Variants in NETO2 observed in about 807,000 individuals in gnomAD.
The protein encoded by NETO2 is neuropilin and tolloid like 2.
In NETO2, 28 loss-of-function variants were observed where a neutral mutation model predicts 62.5. The ratio of observed to expected loss-of-function variants is 0.45; its 90% CI spans 0.33 to 0.61. The LOEUF (loss-of-function observed/expected upper bound fraction) is 0.61. NETO2 is among the 20% of genes least tolerant of loss of function. NETO2 has a pLI of 0.02. For missense variants in NETO2, 548 were observed against 643.2 expected, an observed-to-expected ratio of 0.85 and a Z score of 1.60; for synonymous variants, 214 against 219.1, an observed-to-expected ratio of 0.98 and a Z score of 0.21.
chr16:47,137,022 A>G (rs1411769262), intron 1 of NETO2, among the ~76,000 whole-genome samples: 1 of 152,214 alleles, frequency 6.6e-6, no homozygotes, highest in Admixed American at 6.5e-5. Context: ...ACATACATAC[A>G]TATATACATG....
At chr16:47,122,836 T>C (rs1269886886) in intron 5 of NETO2, 32 bp downstream of exon 5, 1 of 1,613,726 alleles carries the variant, frequency 6.2e-7, no homozygotes, top group Non-Finnish European at 8.5e-7. Context: ...TAATCAAAAA[T>C]GCCAAGAGGA....
chr16:47,122,760 G>C lies in NETO2; in HGVS notation c.551C>G (p.Ala184Gly). 1 of 1,614,024 alleles carries C rather than the reference G, an allele frequency of 6.2e-7. No individual in the cohort carries two copies. The highest frequency in any genetic ancestry group is 8.5e-7 in the Non-Finnish European group (1 of 1,180,012). ...IPDCQFELSGADGIVRSSQVE... is the reference protein window; with the variant it reads ...IPDCQFELSGGDGIVRSSQVE... ...CTGACTAGAGCGCACTATTCCATCA[G>C]CTCCCGAGAGCTCGAACTGACAATC... Residue 184 changes from alanine to glycine, a missense_variant, in exon 6 of 9, where the codon GCT becomes GGT. Transcript: ENST00000562435.
intron 6 of NETO2, among the ~76,000 whole-genome samples, chr16:47,119,969 A>G (rs1964004198): frequency 6.6e-6 from 1 of 152,192 alleles, no homozygotes; most frequent in Admixed American, 6.5e-5. Context: ...GGATGTTGGG[A>G]GCAAGATACT....
chr16:47,126,975 A>C (rs1359535171), intron 4 of NETO2, among the ~76,000 whole-genome samples: 2 of 152,236 alleles, frequency 1.3e-5, no homozygotes, highest in Non-Finnish European at 1.5e-5. Flanking sequence ...TAATAAAGTT[A>C]TATGTGTACC....
chr16:47,128,481 C>T lies in NETO2; in HGVS notation c.325G>A (p.Asp109Asn), dbSNP rs1163057446. ...ECRFDHLEVR[D>N]GPFGFSPLID... ...AGAGGAGAGAAACCAAATGGCCCAT[C>T]TCGAACTTCCAAGTGATCAAACCGA... Residue 109 changes from aspartate to asparagine, a missense_variant, in exon 4 of 9, where the codon GAT (aspartate) becomes AAT (asparagine). Coordinates refer to ENST00000562435, the MANE Select transcript of NETO2 (RefSeq NM_018092.5). 6.8e-6 allele frequency: 11 copies of T among 1,614,106 alleles called. No homozygotes were observed. Among genetic ancestry groups the T allele is most frequent in the Non-Finnish European group, 8.5e-6 (10 of 1,180,006 alleles).
intron 1 of NETO2, among the ~76,000 whole-genome samples, chr16:47,142,358 T>C (rs1055876547): frequency 6.6e-6 from 1 of 152,218 alleles, no homozygotes; most frequent in Non-Finnish European, 1.5e-5. Context: ...ACGTTTCGAA[T>C]TACTGAAATC....
chr16:47,128,224 T>C, intron 4 of NETO2, 101 bp downstream of exon 4: 1 of 1,397,060 alleles, frequency 7.2e-7, no homozygotes, highest in Non-Finnish European at 9.6e-7. Context: ...AAATCTTGAT[T>C]TGATTAACTT....
chr16:47,102,208 T>C (rs1963563423), intron 7 of NETO2, among the ~76,000 whole-genome samples: 1 of 152,098 alleles, frequency 6.6e-6, no homozygotes, highest in Admixed American at 6.5e-5. Context: ...TAATAAATGG[T>C]ATTGGGAAAT....
intron 1 of NETO2, among the ~76,000 whole-genome samples, chr16:47,139,183 G>A (rs945687626): frequency 3.9e-5 from 6 of 152,176 alleles, no homozygotes; most frequent in African/African-American, 9.7e-5. Flanking sequence ...ATACAGACAC[G>A]ATGAACACAT....
At chr16:47,143,555 C>G in intron 1 of NETO2, 24 bp downstream of exon 1, 1 of 1,223,128 alleles carries the variant, frequency 8.2e-7, no homozygotes, top group Non-Finnish European at 1.0e-6. Flanking sequence ...GGGCGCCGTC[C>G]GTGGCCCCAG....
chr16:47,093,967 C>A (rs892590747), intron 7 of NETO2, among the ~76,000 whole-genome samples: 81 of 152,052 alleles, frequency 5.3e-4, no homozygotes, highest in African/African-American at 1.7e-3. Context: ...ATAAGATATA[C>A]CACTTATAAT....
chr16:47,133,580 A>G (rs1197243559), intron 1 of NETO2, among the ~76,000 whole-genome samples: 2 of 148,584 alleles, frequency 1.3e-5, no homozygotes, highest in Non-Finnish European at 3.0e-5. Flanking sequence ...GTAACATAAA[A>G]TAACATAACA....
chr16:47,130,532 C>T (rs1964245373), intron 2 of NETO2, among the ~76,000 whole-genome samples: 1 of 151,776 alleles, frequency 6.6e-6, no homozygotes, highest in African/African-American at 2.4e-5. Flanking sequence ...TTAAAAACCA[C>T]CACCACCACA....
At chr16:47,092,468 A>C (rs568591511) in intron 7 of NETO2, among the ~76,000 whole-genome samples, 1 of 152,316 alleles carries the variant, frequency 6.6e-6, no homozygotes, top group Middle Eastern at 3.4e-3. Context: ...AGCCTCTGAC[A>C]TCTGGGAGGC....
chr16:47,138,226 C>G (rs1168163864), intron 1 of NETO2, among the ~76,000 whole-genome samples: 1 of 152,212 alleles, frequency 6.6e-6, no homozygotes, highest in Non-Finnish European at 1.5e-5. Context: ...ATGGTGAAAC[C>G]CCGTCTCTAA....
chr16:47,115,714 C>CATATATATATATATATACATGTAT, intron 6 of NETO2, among the ~76,000 whole-genome samples: 1 of 128,478 alleles, frequency 7.8e-6, no homozygotes, highest in South Asian at 2.3e-4. Flanking sequence ...TATATATATA[C>CATATATATATATATATACATGTAT]ATATATATAT....
chr16:47,143,652 G>C lies in NETO2; in HGVS notation c.-40C>G. 8.2e-7 allele frequency: 1 copy of C among 1,219,788 alleles called. No homozygotes were observed. The highest frequency in any genetic ancestry group is 1.0e-6 in the Non-Finnish European group (1 of 977,934). 75.6% of individuals were successfully genotyped at this position (1,219,788 alleles called of 1,614,324 possible). A position where few individuals can be genotyped will look rare whatever the true frequency, so the allele number is the denominator to read the frequency against. ...CGGCGCTTCGCGAAGGGCTGAGGTA[G>C]CGGCGGCGGTGGCTCGGCGCTCACG... On this transcript the variant is annotated 5_prime_UTR_variant, in exon 1 of 9. Transcript: ENST00000562435.
At chr16:47,131,114 G>C (rs770136527) in intron 2 of NETO2, among the ~76,000 whole-genome samples, 1 of 151,570 alleles carries the variant, frequency 6.6e-6, no homozygotes, top group Non-Finnish European at 1.5e-5. Context: ...AAATTCAGCT[G>C]AATGAGTGAC....
At position 47,096,621 on chromosome 16, in the gene NETO2, C is replaced by T. The variant is rs1465834286; in HGVS notation, c.884-10282G>A. Among the ~76,000 whole-genome samples the T allele has an allele frequency of 2.0e-5, 3 of 152,120 alleles. No homozygotes were observed. The East Asian group carries it at 5.8e-4, about 29-fold the overall frequency. ...AAAGAAAATCTGAATAGGCCTAAAACTAGCAAGGAGATTAAAAAAAGAATC... is the reference window on the plus strand; with the variant it reads ...AAAGAAAATCTGAATAGGCCTAAAATTAGCAAGGAGATTAAAAAAAGAATC... On this transcript the variant is annotated intron_variant, in intron 7 of 8. Transcript: ENST00000562435.
Sources: gnomAD v4.1 joint callset for allele counts (sites outside exome capture counted in the v4.1 genomes callset) on GRCh38, gnomAD v4.1.1 for gene constraint, MANE v1.5 for transcripts, NCBI Gene and HGNC (gene_info 2026-07-23, HGNC 2026-07-21) for gene names.